Variants in RAC2 observed in about 807,000 individuals in gnomAD.
RAC2 encodes Rac family small GTPase 2.
Under a neutral mutation model 24.0 loss-of-function variants are expected in RAC2, and 1 was observed. That is an observed-to-expected ratio of 0.04 (90% CI 0.01 to 0.20). The LOEUF (loss-of-function observed/expected upper bound fraction) is 0.20. Among genes scored for constraint, RAC2 ranks in the 10% least tolerant of loss-of-function variants. The probability of loss-of-function intolerance (pLI) is 1.00; values close to 1 mark genes in which losing one functional copy is unlikely to be tolerated. For missense variants in RAC2, 130 were observed against 259.1 expected (o/e 0.50, Z 3.42); for synonymous variants, 114 against 106.8 (o/e 1.07, Z -0.41).
intron 1 of RAC2, among the ~76,000 whole-genome samples, chr22:37,242,451 C>T (rs562188292): frequency 5.3e-5 from 8 of 152,304 alleles, no homozygotes; most frequent in Middle Eastern, 3.4e-3. Flanking sequence ...TGATAACGCG[C>T]GCCTCCTCCA....
At chr22:37,230,174 C>A (rs932145281) in intron 5 of RAC2, among the ~76,000 whole-genome samples, 1 of 151,430 alleles carries the variant, frequency 6.6e-6, no homozygotes, top group African/African-American at 2.4e-5. Context: ...TGTCACCACG[C>A]TAGTCACAGA....
At position 37,241,683 on chromosome 22, in the gene RAC2, G is replaced by A. The variant is rs368287562; in HGVS notation, c.36-25C>T. 1.2e-5 allele frequency: 19 copies of A among 1,605,802 alleles called. No homozygotes were observed. The African/African-American group carries it at 1.5e-4, about 12-fold the overall frequency. On this transcript the variant is annotated intron_variant, in intron 1 of 6. Transcript: ENST00000249071. ...CCTGAAAGACAGGAAGTGCAAGAGG[G>A]CGGCGGTCATGGGCTCTGCCGGAGA... is the stretch of plus-strand genomic sequence containing the variant.
intron 3 of RAC2, 78 bp downstream of exon 3, chr22:37,232,723 C>G (rs1477434190): frequency 7.1e-6 from 9 of 1,268,346 alleles, no homozygotes; most frequent in Non-Finnish European, 1.0e-5. Flanking sequence ...CCAGGCTGAG[C>G]TGGCTGGAAG....
Position 37,244,197 on chromosome 22 carries a change from G to C in RAC2, c.-49C>G, listed in dbSNP as rs750313450. ...CGGTGGTGACAGCTCAGGGCCAGGCGCGTTTCTGCGGGCGCAAGGGGTGTG... is the reference window on the plus strand; with the variant it reads ...CGGTGGTGACAGCTCAGGGCCAGGCCCGTTTCTGCGGGCGCAAGGGGTGTG... On this transcript the variant is annotated 5_prime_UTR_variant, in exon 1 of 7. Transcript: ENST00000249071. 8.7e-6 allele frequency: 14 copies of C among 1,607,822 alleles called. No homozygotes were observed. The highest frequency in any genetic ancestry group is 1.1e-5 in the Non-Finnish European group (13 of 1,177,114).
At chr22:37,241,692 A>G (rs746834278) in intron 1 of RAC2, 34 bp from the exon 2 acceptor site, 40 of 1,587,644 alleles carry the variant, frequency 2.5e-5, no homozygotes, top group Non-Finnish European at 3.5e-5. Flanking sequence ...GGCGGCGGTC[A>G]TGGGCTCTGC....
intron 2 of RAC2, among the ~76,000 whole-genome samples, chr22:37,235,872 C>T (rs148891799): frequency 4.1e-4 from 63 of 152,276 alleles, no homozygotes; most frequent in African/African-American, 1.5e-3. Flanking sequence ...AGAGCTGGGA[C>T]CTTGAGAAGC....
At position 37,241,902 on chromosome 22, in the gene RAC2, G is replaced by A. The variant is rs867683180; in HGVS notation, c.36-244C>T. Among the ~76,000 whole-genome samples, 20 of 152,318 alleles carry A rather than the reference G, an allele frequency of 1.3e-4. 1 individual carries two copies. In the South Asian group the frequency reaches 2.1e-3, roughly 16 times the overall value. ...CAGAGATTCTGATCCACAGGTGTGC[G>A]CAGAGCTGGCAATCCGCTTTTCCCA... On this transcript the variant is annotated intron_variant, in intron 1 of 6. Coordinates refer to ENST00000249071, the MANE Select transcript of RAC2 (RefSeq NM_002872.5).
chr22:37,240,073 C>T (rs1202035257), intron 2 of RAC2, among the ~76,000 whole-genome samples: 1 of 152,162 alleles, frequency 6.6e-6, no homozygotes, highest in Non-Finnish European at 1.5e-5. Flanking sequence ...TTCCTCTAGC[C>T]TGGGCCAGGG....
chr22:37,238,673 C>T (rs1433565122), intron 2 of RAC2, among the ~76,000 whole-genome samples: 1 of 152,252 alleles, frequency 6.6e-6, no homozygotes, highest in Admixed American at 6.5e-5. Context: ...GTATCCCCAA[C>T]ACCTAGCACG....
chr22:37,231,808 C>G lies in RAC2; in HGVS notation c.288+124G>C. On this transcript the variant is annotated intron_variant, in intron 4 of 6. Coordinates refer to ENST00000249071, the MANE Select transcript of RAC2 (RefSeq NM_002872.5). This position sits in a 1 kb window ranked among gnomAD's most constrained non-coding sequence, Gnocchi z 5.5. ...GTCCCTCTGCCAGCCCTGGTTGGCACTGGGGACCCTCTCTGTATGCGACCT... is the reference window on the plus strand; with the variant it reads ...GTCCCTCTGCCAGCCCTGGTTGGCAGTGGGGACCCTCTCTGTATGCGACCT... The G allele has an allele frequency of 8.5e-7, 1 of 1,177,780 alleles. No individual in the cohort carries two copies. The highest frequency in any genetic ancestry group is 1.2e-6 in the Non-Finnish European group (1 of 818,706). 73.0% of individuals were successfully genotyped at this position (1,177,780 alleles called of 1,614,324 possible).
rs1202735924 is a variant in RAC2 at position 37,231,745 on chromosome 22, A to AC, written c.288+186dup. 6.6e-6 allele frequency among the ~76,000 whole-genome samples: 1 copy of AC among 150,738 alleles called. No individual in the cohort carries two copies. Among genetic ancestry groups the AC allele is most frequent in the Admixed American group, 6.6e-5 (1 of 15,158 alleles). ...TGGGGGTATAGCTAACTATCGCAGC[A>AC]CCCCCCACCCCAGGTCCTCTGAATC... On this transcript the variant is annotated intron_variant, in intron 4 of 6. Coordinates refer to ENST00000249071, the MANE Select transcript of RAC2 (RefSeq NM_002872.5). This position sits in a 1 kb window ranked among gnomAD's most constrained non-coding sequence, Gnocchi z 5.5.
chr22:37,244,045 G>A, intron 1 of RAC2, 69 bp downstream of exon 1: 1 of 1,598,810 alleles, frequency 6.3e-7, no homozygotes, highest in Admixed American at 1.7e-5. Flanking sequence ...CTTCCCCAGG[G>A]GCACCAGGGC....
At position 37,241,589 on chromosome 22, in the gene RAC2, G is replaced by C; in HGVS notation, c.105C>G (p.Thr35=). 1.9e-6 allele frequency: 3 copies of C among 1,612,450 alleles called. No individual in the cohort carries two copies. Among genetic ancestry groups the C allele is most frequent in the South Asian group, 1.1e-5 (1 of 91,040 alleles). The change falls in exon 2 of 7, where the codon ACC becomes ACG. Residue 35 remains threonine (T), a splice_region_variant and synonymous_variant. Transcript: ENST00000249071. ...TNAFPGEYIP[T]VFDNYSANVM... ...CCCACATATCCCCAGGAACTCACAC[G>C]GTGGGGATGTACTCTCCGGGAAAGG... is the stretch of plus-strand genomic sequence containing the variant.
Position 37,226,741 on chromosome 22 carries a change from C to G in RAC2, c.511G>C (p.Glu171Gln). ...GGGCACAGCACGGCCCGGATGGCCT[C>G]GTCGAACACGGTTTTCAGGCCTCTC... is the stretch of plus-strand genomic sequence containing the variant. ...TQRGLKTVFD[E>Q]AIRAVLCPQP... The change falls in exon 6 of 7, where the codon GAG becomes CAG. Residue 171 changes from glutamate (E) to glutamine (Q), a missense_variant. By Grantham distance (29) the Glu-to-Gln change is conservative. Transcript: ENST00000249071. 1 of 1,613,156 alleles carries G rather than the reference C, an allele frequency of 6.2e-7. No individual in the cohort carries two copies. The highest frequency in any genetic ancestry group is 8.5e-7 in the Non-Finnish European group (1 of 1,179,602).
At chr22:37,241,147 G>C (rs1927377816) in intron 2 of RAC2, 2 of 778,798 alleles carry the variant, frequency 2.6e-6, no homozygotes, top group Admixed American at 1.7e-5. Flanking sequence ...TCCTGCAATA[G>C]AGCGCAGGGC....
chr22:37,231,321 G>T lies in RAC2; in HGVS notation c.358C>A (p.Arg120=), dbSNP rs375909521. 1 of 1,614,024 alleles carries T rather than the reference G, an allele frequency of 6.2e-7. No homozygotes were observed. Among genetic ancestry groups the T allele is most frequent in the African/African-American group, 1.3e-5 (1 of 74,902 alleles). Residue 120 remains arginine (R), a synonymous_variant, in exon 5 of 7, where the codon CGG becomes AGG. Coordinates refer to ENST00000249071, the MANE Select transcript of RAC2 (RefSeq NM_002872.5). The surrounding 1 kb of genome is among the most constrained non-coding windows in gnomAD (Gnocchi z 5.5). ...TTCTCGATGGTGTCCTTGTCGTCCC[G>T]CAGGTCCAGCTTGGTGCCCACCAGG... ...IILVGTKLDL[R]DDKDTIEKLK... is the part of the protein sequence containing the mutation.
At chr22:37,227,919 G>A (rs1926933935) in intron 5 of RAC2, among the ~76,000 whole-genome samples, 1 of 152,292 alleles carries the variant, frequency 6.6e-6, no homozygotes, top group Admixed American at 6.5e-5. Flanking sequence ...GTCCGTGGAA[G>A]GAGGGCGGGA....
At chr22:37,241,478 T>C (rs1927388895) in intron 2 of RAC2, 109 bp downstream of exon 2, 2 of 1,183,232 alleles carry the variant, frequency 1.7e-6, no homozygotes, top group South Asian at 1.2e-5. Flanking sequence ...GGCTGGAGGC[T>C]GTGGGTGCCC....
At chr22:37,228,556 G>A (rs192275140) in intron 5 of RAC2, among the ~76,000 whole-genome samples, 40 of 152,374 alleles carry the variant, frequency 2.6e-4, no homozygotes, top group Middle Eastern at 3.4e-3. Flanking sequence ...GCCAAAGCCC[G>A]CTTGCTTCTC....
Sources: allele counts gnomAD v4.1 joint callset (sites outside exome capture counted in the v4.1 genomes callset), GRCh38; gene constraint gnomAD v4.1.1; non-coding constraint Gnocchi (gnomAD v3.1); transcripts MANE v1.5; gene names NCBI Gene and HGNC (gene_info 2026-07-23, HGNC 2026-07-21).